ARFGEF2: variants seen among roughly 807,000 people sequenced by gnomAD.
The protein encoded by ARFGEF2 is ARF guanine nucleotide exchange factor 2, also known as brefeldin A-inhibited guanine nucleotide-exchange protein 2.
A neutral mutation model predicts 219.9 loss-of-function variants in ARFGEF2; 74 were observed. That is an observed-to-expected ratio of 0.34 (90% CI 0.28 to 0.41). The LOEUF (loss-of-function observed/expected upper bound fraction) is 0.41. Ranked by LOEUF, ARFGEF2 falls within the 10% of genes least tolerant of loss-of-function variation. ARFGEF2 has a pLI of 1.00. For synonymous variants in ARFGEF2, 733 were observed against 799.2 expected, an observed-to-expected ratio of 0.92 and a Z score of 1.40; for missense variants, 1,743 against 2,218.3, an observed-to-expected ratio of 0.79 and a Z score of 4.30.
chr20:48,965,628 C>T (rs762194895), intron 7 of ARFGEF2, among the ~76,000 whole-genome samples: 12 of 152,182 alleles, frequency 7.9e-5, no homozygotes, highest in Non-Finnish European at 1.8e-4. Context: ...CACCATTGAT[C>T]TGGAGAGAAT....
intron 22 of ARFGEF2, 69 bp from the exon 23 acceptor site, chr20:48,995,714 A>G: frequency 7.4e-7 from 1 of 1,360,118 alleles, no homozygotes; most frequent in East Asian, 2.3e-5. Flanking sequence ...GTGTTGACAT[A>G]ACAGGATGCT....
At chr20:48,986,300 G>A (rs893999227) in intron 16 of ARFGEF2, among the ~76,000 whole-genome samples, 1 of 152,168 alleles carries the variant, frequency 6.6e-6, no homozygotes, top group African/African-American at 2.4e-5. Flanking sequence ...GTAAGGAGCA[G>A]AGCCAGGGTT....
At chr20:49,011,226 A>G (rs2091495733) in intron 27 of ARFGEF2, among the ~76,000 whole-genome samples, 1 of 152,218 alleles carries the variant, frequency 6.6e-6, no homozygotes, top group South Asian at 2.1e-4. Context: ...ACACACATAC[A>G]ACAAGGTTAT....
chr20:48,948,898 C>A (rs2091047581), intron 3 of ARFGEF2, among the ~76,000 whole-genome samples: 2 of 152,244 alleles, frequency 1.3e-5, no homozygotes. Context: ...GGGGCAGTAT[C>A]TACAAGTCAC....
intron 12 of ARFGEF2, among the ~76,000 whole-genome samples, chr20:48,974,118 ATTTTTTTTTTTTT>A (rs57941437): frequency 1.4e-5 from 1 of 70,066 alleles, no homozygotes; most frequent in Admixed American, 2.2e-4. Context: ...TTGAGTGTGA[ATTTTTTTTTTTTT>A]TTTTTTTTTT....
intron 3 of ARFGEF2, among the ~76,000 whole-genome samples, chr20:48,948,670 G>A (rs946856785): frequency 6.6e-6 from 1 of 152,194 alleles, no homozygotes; most frequent in African/African-American, 2.4e-5. Context: ...CAACCGCATA[G>A]CATTTTCCTT....
At chr20:49,007,243 T>A (rs1161375700) in intron 26 of ARFGEF2, among the ~76,000 whole-genome samples, 1 of 151,694 alleles carries the variant, frequency 6.6e-6, no homozygotes, top group Non-Finnish European at 1.5e-5. Context: ...ACCTAATTCC[T>A]CTTGTCTGCT....
chr20:49,026,137 C>A (rs1189370933), intron 36 of ARFGEF2, among the ~76,000 whole-genome samples: 1 of 152,064 alleles, frequency 6.6e-6, no homozygotes, highest in Non-Finnish European at 1.5e-5. Flanking sequence ...GAGTTCAAGA[C>A]CAGCCTGGGC....
intron 10 of ARFGEF2, 29 bp from the exon 11 acceptor site, chr20:48,972,297 G>T (rs2091233331): frequency 2.6e-6 from 4 of 1,510,578 alleles, no homozygotes; most frequent in Admixed American, 1.7e-5. Flanking sequence ...CTGTTAATTA[G>T]TGTCCTCCTT....
chr20:49,032,967 G>C (rs995040093), intron 38 of ARFGEF2, 56 bp from the exon 39 acceptor site: 1 of 1,494,954 alleles, frequency 6.7e-7, no homozygotes. Context: ...CTGAAAAACT[G>C]GTGCCCAAAA....
At position 48,973,149 on chromosome 20, in the gene ARFGEF2, C is replaced by G. The variant is rs892568858; in HGVS notation, c.1530C>G (p.Ala510=). The change falls in exon 12 of 39, where the codon GCC becomes GCG. Residue 510 remains alanine, a synonymous_variant. Coordinates refer to ENST00000371917, the MANE Select transcript of ARFGEF2 (RefSeq NM_006420.3). The part of the protein sequence containing the change: ...IQTLTRICAD[A]QCVVDIYVNY... ...ACTTGTATGTTATTTTCCAAGATGC[C>G]CAGTGTGTTGTGGATATTTATGTCA... 3 of 1,613,844 alleles carry G rather than the reference C, an allele frequency of 1.9e-6. No homozygotes were observed. The highest frequency in any genetic ancestry group is 2.5e-6 in the Non-Finnish European group (3 of 1,179,968).
chr20:49,011,927 C>G lies in ARFGEF2; in HGVS notation c.3761C>G (p.Thr1254Ser). 3.7e-6 allele frequency: 6 copies of G among 1,614,194 alleles called. No individual in the cohort carries two copies. Among genetic ancestry groups the G allele is most frequent in the Non-Finnish European group, 5.1e-6 (6 of 1,180,040 alleles). ...AATGTGCCTTGTGTTCCCCCAGCAA[C>G]TATTTTCCAGCACCATTTTCCTGCA... is the stretch of plus-strand genomic sequence containing the variant. ...AFQTTCHIVT[T>S]IFQHHFPAAI... Residue 1254 changes from threonine (T) to serine (S), a missense_variant, in exon 28 of 39, where the codon ACT becomes AGT. By Grantham distance (58) the Thr-to-Ser change is moderately conservative (BLOSUM62 1). This residue lies in a region of ARFGEF2 where 578 missense variants were observed against 664.0 expected (regional missense o/e 0.87). Transcript: ENST00000371917.
At chr20:49,024,657 T>C (rs1394196641) in intron 35 of ARFGEF2, among the ~76,000 whole-genome samples, 4 of 152,228 alleles carry the variant, frequency 2.6e-5, no homozygotes, top group African/African-American at 9.6e-5. Context: ...TTTAAAATTT[T>C]AGGCAGCTTG....
intron 37 of ARFGEF2, among the ~76,000 whole-genome samples, chr20:49,029,881 CCGT>C: frequency 6.7e-6 from 1 of 150,056 alleles, no homozygotes; most frequent in South Asian, 2.1e-4. Flanking sequence ...GCATGAGCCA[CCGT>C]GCCCAGCCTA....
chr20:48,935,517 T>A (rs1218697534), intron 1 of ARFGEF2, among the ~76,000 whole-genome samples: 1 of 152,096 alleles, frequency 6.6e-6, no homozygotes, highest in Non-Finnish European at 1.5e-5. Context: ...ACGGCAACCA[T>A]CCGATTTCTC....
chr20:48,969,708 G>A (rs1334810734), intron 9 of ARFGEF2, among the ~76,000 whole-genome samples: 1 of 152,184 alleles, frequency 6.6e-6, no homozygotes, highest in African/African-American at 2.4e-5. Context: ...ACATTTCTTT[G>A]TAGTAAACAA....
chr20:48,934,114 C>T (rs892776550), intron 1 of ARFGEF2, among the ~76,000 whole-genome samples: 14 of 80,798 alleles, frequency 1.7e-4, no homozygotes, highest in Non-Finnish European at 2.4e-4. Flanking sequence ...AGTGGGACTT[C>T]ATCTCAAAAA....
At chr20:48,990,728 G>A (rs908711573) in intron 20 of ARFGEF2, among the ~76,000 whole-genome samples, 7 of 152,166 alleles carry the variant, frequency 4.6e-5, no homozygotes, top group Non-Finnish European at 7.3e-5. Context: ...CAGAATTGTT[G>A]CAGATGTCAA....
At chr20:48,969,805 A>T (rs1041361786) in intron 9 of ARFGEF2, among the ~76,000 whole-genome samples, 6 of 152,350 alleles carry the variant, frequency 3.9e-5, no homozygotes, top group Admixed American at 3.9e-4. Flanking sequence ...TGGATCCTCC[A>T]CTTGAGAGCA....
Sources: gnomAD v4.1 joint callset for allele counts (sites outside exome capture counted in the v4.1 genomes callset) on GRCh38, gnomAD v4.1.1 for gene constraint, gnomAD v4.1.1 regional missense constraint, MANE v1.5 for transcripts, NCBI Gene and HGNC (gene_info 2026-07-23, HGNC 2026-07-21) for gene names.